RBFOX1: variants seen among roughly 807,000 people sequenced by gnomAD.
RBFOX1 encodes RNA binding protein fox-1 homolog 1.
A neutral mutation model predicts 57.7 loss-of-function variants in RBFOX1; 8 were observed. The ratio of observed to expected loss-of-function variants is 0.14; its 90% confidence interval spans 0.08 to 0.25. RBFOX1 has a LOEUF of 0.25. Ranked by LOEUF, RBFOX1 falls within the 10% of genes least tolerant of loss-of-function variation. The pLI is 1.00. For synonymous variants in RBFOX1, 326 were observed against 222.4 expected (o/e 1.47, Z -4.15); for missense variants, 611 against 548.5 (o/e 1.11, Z -1.14).
At chr16:5,386,980 G>A (rs752525192) in intron 1 of RBFOX1, among the ~76,000 whole-genome samples, 15 of 152,230 alleles carry the variant, frequency 9.9e-5, no homozygotes, top group Non-Finnish European at 1.6e-4. Flanking sequence ...GAACCCAGGA[G>A]GCGGAGGTTG....
chr16:6,827,926 G>C (rs968908539), intron 3 of RBFOX1, among the ~76,000 whole-genome samples: 1 of 152,220 alleles, frequency 6.6e-6, no homozygotes, highest in African/African-American at 2.4e-5. Context: ...TTTGTAAGCA[G>C]TTTTGATTAA....
downstream of RBFOX1, among the ~76,000 whole-genome samples, chr16:5,603,303 T>G (rs1488171437): frequency 6.6e-6 from 1 of 152,204 alleles, no homozygotes; most frequent in Non-Finnish European, 1.5e-5. Flanking sequence ...CCCAGAGTAG[T>G]CCAAGGAGGG....
chr16:6,177,432 T>C (rs942021564), intron 1 of RBFOX1, among the ~76,000 whole-genome samples: 1 of 152,146 alleles, frequency 6.6e-6, no homozygotes, highest in Non-Finnish European at 1.5e-5. Flanking sequence ...GCTTATGATT[T>C]GTGGGGTAGA....
chr16:7,508,257 C>G (rs573016257), intron 4 of RBFOX1, among the ~76,000 whole-genome samples: 2 of 152,092 alleles, frequency 1.3e-5, no homozygotes, highest in Admixed American at 1.3e-4. Context: ...GGATTACAAG[C>G]GTGAGCCACC....
At chr16:6,829,481 T>TAAAAAA (rs35754742) in intron 3 of RBFOX1, among the ~76,000 whole-genome samples, 20 of 135,642 alleles carry the variant, frequency 1.5e-4, no homozygotes, top group African/African-American at 5.3e-4. Flanking sequence ...ACTCAACCAT[T>TAAAAAA]AAAAAAAAAA....
At chr16:5,716,809 C>A (rs186981549) in intron 3 of RBFOX1, among the ~76,000 whole-genome samples, 1 of 152,116 alleles carries the variant, frequency 6.6e-6, no homozygotes, top group East Asian at 1.9e-4. Context: ...GGAAGCTCAG[C>A]GACTTGTCCC....
At chr16:6,782,710 G>T (rs1198531354) in intron 3 of RBFOX1, among the ~76,000 whole-genome samples, 1 of 152,134 alleles carries the variant, frequency 6.6e-6, no homozygotes, top group Non-Finnish European at 1.5e-5. Flanking sequence ...TTCAGCTATC[G>T]AATGAAATGT....
intron 2 of RBFOX1, among the ~76,000 whole-genome samples, chr16:6,530,937 T>C (rs959338536): frequency 5.9e-5 from 9 of 152,154 alleles, no homozygotes; most frequent in African/African-American, 1.7e-4. Flanking sequence ...GTTTCTTGAT[T>C]TGGAAGATCC....
intron 4 of RBFOX1, among the ~76,000 whole-genome samples, chr16:5,992,189 T>C (rs1299778947): frequency 6.6e-6 from 1 of 151,758 alleles, no homozygotes; most frequent in Non-Finnish European, 1.5e-5. Flanking sequence ...AGAAGTAAAA[T>C]AAAAAATGAG....
chr16:6,116,840 CAGAG>C (rs1387584875), intron 1 of RBFOX1, among the ~76,000 whole-genome samples: 4 of 151,714 alleles, frequency 2.6e-5, no homozygotes, highest in Non-Finnish European at 5.9e-5. Context: ...AATTGGGAGA[CAGAG>C]GGAGAGAGAG....
chr16:5,469,242 G>A (rs879385195), intron 2 of RBFOX1, among the ~76,000 whole-genome samples: 1 of 152,154 alleles, frequency 6.6e-6, no homozygotes, highest in Non-Finnish European at 1.5e-5. Flanking sequence ...TCTTTGTGGG[G>A]AGTAACATCC....
chr16:5,779,717 G>C (rs1208969274), intron 3 of RBFOX1, among the ~76,000 whole-genome samples: 1 of 152,128 alleles, frequency 6.6e-6, no homozygotes. Flanking sequence ...GTGGAATGAT[G>C]GGATTGTATT....
intron 4 of RBFOX1, among the ~76,000 whole-genome samples, chr16:7,241,944 C>T (rs141187158): frequency 3.5e-4 from 54 of 152,222 alleles, no homozygotes; most frequent in African/African-American, 1.3e-3. Flanking sequence ...TGTATATCTG[C>T]ATATGCGTGT....
intron 3 of RBFOX1, among the ~76,000 whole-genome samples, chr16:7,031,398 C>G (rs1472434014): frequency 6.6e-6 from 1 of 151,992 alleles, no homozygotes; most frequent in Non-Finnish European, 1.5e-5. Flanking sequence ...GATTTCAAGA[C>G]CAGCCTGGCT....
At chr16:7,097,057 C>A (rs186165231) in intron 4 of RBFOX1, among the ~76,000 whole-genome samples, 1 of 151,306 alleles carries the variant, frequency 6.6e-6, no homozygotes, top group African/African-American at 2.4e-5. Flanking sequence ...GCCTCCTATA[C>A]AAATAAACAC....
At chr16:7,160,707 C>G (rs549733730) in intron 4 of RBFOX1, among the ~76,000 whole-genome samples, 42 of 152,090 alleles carry the variant, frequency 2.8e-4, no homozygotes, top group African/African-American at 1.0e-3. Flanking sequence ...TCTGTAACTC[C>G]TGTGCTACAT....
intron 1 of RBFOX1, among the ~76,000 whole-genome samples, chr16:6,228,097 G>C (rs2097430970): frequency 6.6e-6 from 1 of 152,100 alleles, no homozygotes; most frequent in Non-Finnish European, 1.5e-5. Context: ...GATCACTTGA[G>C]GTCAGGAGTT....
At chr16:7,085,087 G>A (rs764959559) in intron 4 of RBFOX1, among the ~76,000 whole-genome samples, 11 of 144,894 alleles carry the variant, frequency 7.6e-5, no homozygotes, top group South Asian at 4.2e-4. Flanking sequence ...TATGAACGCC[G>A]TATCTAAAGT....
chr16:6,250,439 T>A (rs980212358), intron 1 of RBFOX1, among the ~76,000 whole-genome samples: 1 of 152,166 alleles, frequency 6.6e-6, no homozygotes, highest in African/African-American at 2.4e-5. Flanking sequence ...TATCTTTATG[T>A]CAAAGAAAAT....
Sources: allele counts gnomAD v4.1 joint callset (sites outside exome capture counted in the v4.1 genomes callset), GRCh38; gene constraint gnomAD v4.1.1; transcripts MANE v1.5; gene names NCBI Gene and HGNC (gene_info 2026-07-23, HGNC 2026-07-21).